Variants in GRM7 observed in about 807,000 individuals in gnomAD.
GRM7 encodes the protein glutamate metabotropic receptor 7.
A neutral mutation model predicts 84.5 loss-of-function variants in GRM7; 35 were observed. The observed-to-expected ratio is 0.41, with a 90% CI of 0.32 to 0.55. The LOEUF is 0.55. Ranked by LOEUF, GRM7 falls within the 20% of genes least tolerant of loss-of-function variation. The pLI, the probability that GRM7 is intolerant of heterozygous loss-of-function variation, is 0.19. For synonymous variants in GRM7, 487 were observed against 455.1 expected (o/e 1.07, Z -0.89); for missense variants, 1,003 against 1,194.6 (o/e 0.84, Z 2.36).
At chr3:6,926,232 C>T (rs1697293430) in intron 1 of GRM7, among the ~76,000 whole-genome samples, 1 of 151,892 alleles carries the variant, frequency 6.6e-6, no homozygotes, top group Non-Finnish European at 1.5e-5. Flanking sequence ...AAAGACAAGC[C>T]CTTTCAGATT....
At chr3:6,877,003 G>C (rs1353551050) in intron 1 of GRM7, among the ~76,000 whole-genome samples, 2 of 152,188 alleles carry the variant, frequency 1.3e-5, no homozygotes, top group African/African-American at 4.8e-5. Context: ...TTGTCTGATT[G>C]CAAGCTTACA....
At chr3:7,660,642 C>A (rs1401194988) in intron 8 of GRM7, among the ~76,000 whole-genome samples, 1 of 152,090 alleles carries the variant, frequency 6.6e-6, no homozygotes, top group African/African-American at 2.4e-5. Flanking sequence ...TAGAAACTGA[C>A]ACACTTTTTC....
intron 2 of GRM7, among the ~76,000 whole-genome samples, chr3:7,276,187 T>A (rs1699042489): frequency 7.0e-6 from 1 of 142,472 alleles, no homozygotes; most frequent in Admixed American, 7.3e-5. Flanking sequence ...CATTATTTTT[T>A]AAATTATATA....
chr3:7,394,187 C>T (rs550726686), intron 4 of GRM7, among the ~76,000 whole-genome samples: 1 of 152,300 alleles, frequency 6.6e-6, no homozygotes, highest in South Asian at 2.1e-4. Flanking sequence ...TCTCCTTCCT[C>T]TCTCTTGTCC....
chr3:7,171,497 G>A (rs1694982077), intron 2 of GRM7, among the ~76,000 whole-genome samples: 1 of 151,958 alleles, frequency 6.6e-6, no homozygotes, highest in African/African-American at 2.4e-5. Flanking sequence ...AGATTTTATG[G>A]CACCACACAC....
chr3:6,870,935 A>T (rs1240876128), intron 1 of GRM7, among the ~76,000 whole-genome samples: 2 of 152,172 alleles, frequency 1.3e-5, no homozygotes, highest in African/African-American at 4.8e-5. Context: ...CCGAAGAAAG[A>T]TCTGAACTAG....
intron 7 of GRM7, among the ~76,000 whole-genome samples, chr3:7,500,472 C>T (rs1699849604): frequency 1.3e-5 from 2 of 152,210 alleles, no homozygotes; most frequent in African/African-American, 4.8e-5. Context: ...TCAACTTGGT[C>T]TGCAGGAAAA....
At chr3:7,707,171 G>A (rs1019586721) in intron 9 of GRM7, among the ~76,000 whole-genome samples, 3 of 152,168 alleles carry the variant, frequency 2.0e-5, no homozygotes, top group South Asian at 4.2e-4. Flanking sequence ...GATAGAAAAC[G>A]GCTTTCTCTA....
rs1348617093 is a variant in GRM7, at chr3:7,261,892, C to CCCTT, written c.737-36789_737-36788insTCCT. Among the ~76,000 whole-genome samples, 15 of 101,466 alleles carry CCCTT rather than the reference C, an allele frequency of 1.5e-4. No individual in the cohort carries two copies. The South Asian group carries it at 5.4e-3, about 37-fold the overall frequency. The allele number at this position is 101,466 out of a possible 152,430, so 66.6% of individuals were successfully genotyped here. A position where few individuals can be genotyped will look rare whatever the true frequency, so the allele number is the denominator to read the frequency against. On this transcript the variant is annotated intron_variant, in intron 2 of 9. Transcript: ENST00000357716. ...ACAAAGTTCTCTGTCAGAATTCCCT[C>CCCTT]CCTCCCTCCCTCCCTCCCTCCCTTC...
At chr3:7,106,451 T>C (rs1692644391) in intron 1 of GRM7, among the ~76,000 whole-genome samples, 1 of 151,558 alleles carries the variant, frequency 6.6e-6, no homozygotes, top group Non-Finnish European at 1.5e-5. Context: ...TGGATTGCTA[T>C]CTTGGGCAGC....
chr3:7,574,155 G>A (rs1694840284), intron 7 of GRM7, among the ~76,000 whole-genome samples: 1 of 134,438 alleles, frequency 7.4e-6, no homozygotes, highest in Non-Finnish European at 1.6e-5. Flanking sequence ...TTGTGTCTTA[G>A]GCTTGCTTTT....
At chr3:7,288,623 A>C (rs1699513338) in intron 2 of GRM7, among the ~76,000 whole-genome samples, 2 of 152,198 alleles carry the variant, frequency 1.3e-5, no homozygotes, top group Admixed American at 1.3e-4. Flanking sequence ...TGGAGGCATT[A>C]AAAATGCTTT....
At chr3:7,345,401 C>G (rs1692844595) in intron 4 of GRM7, among the ~76,000 whole-genome samples, 1 of 151,862 alleles carries the variant, frequency 6.6e-6, no homozygotes, top group Non-Finnish European at 1.5e-5. Flanking sequence ...CTTAGCCTCC[C>G]AAATGGTAGC....
At chr3:7,641,291 T>TA (rs941656770) in intron 8 of GRM7, among the ~76,000 whole-genome samples, 9 of 152,142 alleles carry the variant, frequency 5.9e-5, no homozygotes, top group African/African-American at 2.2e-4. Flanking sequence ...CTGCTGGAAC[T>TA]AAAAGGAAAA....
At chr3:7,562,005 G>A (rs540579237) in intron 7 of GRM7, among the ~76,000 whole-genome samples, 7 of 152,152 alleles carry the variant, frequency 4.6e-5, no homozygotes, top group South Asian at 2.1e-4. Context: ...CCCTGAACTC[G>A]CAACTGAGTT....
chr3:6,879,185 A>G (rs1256075315), intron 1 of GRM7, among the ~76,000 whole-genome samples: 1 of 152,218 alleles, frequency 6.6e-6, no homozygotes, highest in African/African-American at 2.4e-5. Flanking sequence ...CAGATAAATT[A>G]ATTTACCCAA....
At chr3:7,657,007 A>T (rs1028895919) in intron 8 of GRM7, among the ~76,000 whole-genome samples, 5 of 152,202 alleles carry the variant, frequency 3.3e-5, no homozygotes, top group Admixed American at 6.5e-5. Context: ...AACAGAGGAA[A>T]ATCTACAGTG....
intron 8 of GRM7, among the ~76,000 whole-genome samples, chr3:7,618,751 C>T (rs1002325497): frequency 9.2e-5 from 14 of 152,130 alleles, no homozygotes; most frequent in Non-Finnish European, 1.5e-4. Context: ...CTGCTCACTC[C>T]TTTAGGAGAA....
At chr3:7,415,920 T>C (rs1351682701) in intron 5 of GRM7, among the ~76,000 whole-genome samples, 2 of 152,148 alleles carry the variant, frequency 1.3e-5, no homozygotes, top group Non-Finnish European at 2.9e-5. Context: ...TGAGGGCATA[T>C]AACTAAGGAA....
Sources: gnomAD v4.1 joint callset for allele counts (sites outside exome capture counted in the v4.1 genomes callset) on GRCh38, gnomAD v4.1.1 for gene constraint, MANE v1.5 for transcripts, NCBI Gene and HGNC (gene_info 2026-07-23, HGNC 2026-07-21) for gene names.